GNAI1: variants seen among roughly 807,000 people sequenced by gnomAD.
GNAI1 encodes G protein subunit alpha i1, also known as guanine nucleotide-binding protein G(i) subunit alpha-1.
Under a neutral mutation model 38.9 loss-of-function variants are expected in GNAI1, and 11 were observed. That is an observed-to-expected ratio of 0.28 (90% CI 0.18 to 0.47). The LOEUF is 0.47. Ranked by LOEUF, GNAI1 falls within the 20% of genes least tolerant of loss-of-function variation. The probability of loss-of-function intolerance (pLI) is 0.99; values close to 1 mark genes in which losing one functional copy is unlikely to be tolerated. For missense variants in GNAI1, 317 were observed against 436.9 expected, an observed-to-expected ratio of 0.73 and a Z score of 2.45; for synonymous variants, 166 against 145.1, an observed-to-expected ratio of 1.14 and a Z score of -1.04.
intron 1 of GNAI1, among the ~76,000 whole-genome samples, chr7:80,154,680 G>T (rs1024029214): frequency 6.6e-6 from 1 of 152,046 alleles, no homozygotes; most frequent in Non-Finnish European, 1.5e-5. Flanking sequence ...TTTATAGTTG[G>T]TTTTCTTTAT....
intron 6 of GNAI1, among the ~76,000 whole-genome samples, chr7:80,211,499 C>G (rs1355674264): frequency 6.6e-6 from 1 of 150,950 alleles, no homozygotes. Flanking sequence ...CTCACTGCAA[C>G]CTCCACCTCC....
chr7:80,185,659 G>A (rs1404099994), intron 1 of GNAI1, among the ~76,000 whole-genome samples: 2 of 152,118 alleles, frequency 1.3e-5, no homozygotes, highest in Non-Finnish European at 2.9e-5. Context: ...CTCTGCTGCA[G>A]CCCAGGGTCT....
At chr7:80,165,394 C>G (rs1258843195) in intron 1 of GNAI1, among the ~76,000 whole-genome samples, 2 of 152,116 alleles carry the variant, frequency 1.3e-5, no homozygotes, top group African/African-American at 2.4e-5. Flanking sequence ...ATTTAAAGGG[C>G]TGTTAACATT....
At chr7:80,143,343 G>A (rs952095394) in intron 1 of GNAI1, among the ~76,000 whole-genome samples, 2 of 152,046 alleles carry the variant, frequency 1.3e-5, no homozygotes, top group African/African-American at 2.4e-5. Context: ...GTTGATCTTG[G>A]GGGGTGGAGG....
At chr7:80,201,902 T>C (rs946050849) in intron 4 of GNAI1, among the ~76,000 whole-genome samples, 2 of 152,188 alleles carry the variant, frequency 1.3e-5, no homozygotes. Context: ...TATGAGTTCT[T>C]GACTGGGGAT....
chr7:80,140,377 T>G (rs1040005664), intron 1 of GNAI1, among the ~76,000 whole-genome samples: 1 of 152,234 alleles, frequency 6.6e-6, no homozygotes, highest in Non-Finnish European at 1.5e-5. Flanking sequence ...AGATGTTATT[T>G]AAACCTGAAA....
Position 80,219,920 on chromosome 7 carries a change from T to G in GNAI1, c.*2427T>G, listed in dbSNP as rs1488403442. On this transcript the variant is annotated 3_prime_UTR_variant, in exon 8 of 8. Coordinates refer to ENST00000649796, the MANE Select transcript of GNAI1 (RefSeq NM_002069.6). ...TTCTACAAAGCCTTAAATCTGTTTTTTGTTTGTTTTCCTTTCTATTCCTAC... is the reference window on the plus strand; with the variant it reads ...TTCTACAAAGCCTTAAATCTGTTTTGTGTTTGTTTTCCTTTCTATTCCTAC... 6.6e-6 allele frequency among the ~76,000 whole-genome samples: 1 copy of G among 152,146 alleles called. No homozygotes were observed. The highest frequency in any genetic ancestry group is 2.4e-5 in the African/African-American group (1 of 41,406).
rs1279472793 is a variant in GNAI1, at chr7:80,223,052, CAGAT to C, written c.*5560_*5563del. On this transcript the variant is annotated 3_prime_UTR_variant, in exon 8 of 8. Coordinates refer to ENST00000649796, the MANE Select transcript of GNAI1 (RefSeq NM_002069.6). ...TGGATACTGTACTGAAAATGAAAAACAGATTGATTGCATGGGTACTTGAAATATG... is the reference window on the plus strand; with the variant it reads ...TGGATACTGTACTGAAAATGAAAAACTGATTGCATGGGTACTTGAAATATG... Among the ~76,000 whole-genome samples the C allele has an allele frequency of 3.9e-5, 6 of 152,200 alleles. No individual in the cohort carries two copies. Among genetic ancestry groups the C allele is most frequent in the East Asian group, 1.9e-4 (1 of 5,168 alleles).
intron 1 of GNAI1, among the ~76,000 whole-genome samples, chr7:80,139,555 T>C (rs985272528): frequency 2.0e-5 from 3 of 152,206 alleles, no homozygotes. Flanking sequence ...TTTTTGTAGG[T>C]TTTCTTTGAA....
chr7:80,219,027 T>TGTG lies in GNAI1; in HGVS notation c.*1534_*1535insGTG, dbSNP rs111698493. 2.7e-5 allele frequency: 4 copies of TGTG among 145,836 alleles called. No homozygotes were observed. Among genetic ancestry groups the TGTG allele is most frequent in the Non-Finnish European group, 4.5e-5 (3 of 66,634 alleles). The allele number at this position is 145,836 out of a possible 1,614,324, so 9.0% of individuals were successfully genotyped here. ...GTGTTGTCACTGGGTTGAAGTATATTTGTGTGTGTGTGTGTGTGTGTGTGT... is the reference window on the plus strand; with the variant it reads ...GTGTTGTCACTGGGTTGAAGTATATTGTGTGTGTGTGTGTGTGTGTGTGTGTGT... On this transcript the variant is annotated 3_prime_UTR_variant, in exon 8 of 8. Coordinates refer to ENST00000649796, the MANE Select transcript of GNAI1 (RefSeq NM_002069.6).
intron 1 of GNAI1, chr7:80,135,773 G>A (rs973648682): frequency 1.0e-6 from 1 of 982,958 alleles, no homozygotes; most frequent in African/African-American, 1.8e-5. Context: ...TGCACCTTTT[G>A]TGGGGCCTCT....
At chr7:80,165,650 T>G (rs112157886) in intron 1 of GNAI1, among the ~76,000 whole-genome samples, 1,876 of 152,314 alleles carry the variant, frequency 0.012, 41 homozygotes, top group African/African-American at 0.042. Flanking sequence ...TGTGCATTTA[T>G]TTTTATTTTT....
At chr7:80,192,529 A>G (rs568243836) in intron 3 of GNAI1, among the ~76,000 whole-genome samples, 2 of 152,126 alleles carry the variant, frequency 1.3e-5, no homozygotes, top group African/African-American at 4.8e-5. Flanking sequence ...TTACTAAGCT[A>G]TTCAACCTCC....
At chr7:80,187,945 T>C (rs1317791141) in intron 1 of GNAI1, among the ~76,000 whole-genome samples, 1 of 152,196 alleles carries the variant, frequency 6.6e-6, no homozygotes, top group Non-Finnish European at 1.5e-5. Flanking sequence ...TCCTTAGTAG[T>C]ATTTTCATGT....
intron 1 of GNAI1, among the ~76,000 whole-genome samples, chr7:80,145,801 C>T (rs755759490): frequency 2.6e-5 from 4 of 152,056 alleles, no homozygotes; most frequent in Non-Finnish European, 5.9e-5. Context: ...TTAAGCAGTA[C>T]GTTGTCTGTG....
chr7:80,172,511 T>C (rs914698993), intron 1 of GNAI1, among the ~76,000 whole-genome samples: 5 of 152,202 alleles, frequency 3.3e-5, no homozygotes, highest in Admixed American at 6.5e-5. Flanking sequence ...AAACATATGC[T>C]TCTATTCAGC....
At chr7:80,172,521 C>T (rs977367178) in intron 1 of GNAI1, among the ~76,000 whole-genome samples, 1 of 152,122 alleles carries the variant, frequency 6.6e-6, no homozygotes, top group African/African-American at 2.4e-5. Flanking sequence ...TTCTATTCAG[C>T]AATCTTTTGA....
chr7:80,139,359 C>T (rs1351785657), intron 1 of GNAI1, among the ~76,000 whole-genome samples: 2 of 152,130 alleles, frequency 1.3e-5, no homozygotes, highest in South Asian at 2.1e-4. Context: ...TTGACTTTTC[C>T]GTTTCCTGCA....
intron 1 of GNAI1, among the ~76,000 whole-genome samples, chr7:80,182,855 A>C (rs1358738078): frequency 6.6e-6 from 1 of 152,194 alleles, no homozygotes; most frequent in African/African-American, 2.4e-5. Context: ...TTTGTCACAC[A>C]TAGCTTACCC....
Sources: allele counts gnomAD v4.1 joint callset (sites outside exome capture counted in the v4.1 genomes callset), GRCh38; gene constraint gnomAD v4.1.1; transcripts MANE v1.5; gene names NCBI Gene and HGNC (gene_info 2026-07-23, HGNC 2026-07-21).